RAB3C: variants seen among roughly 807,000 people sequenced by gnomAD.
RAB3C encodes the protein RAB3C, member RAS oncogene family.
Under a neutral mutation model 26.4 loss-of-function variants are expected in RAB3C, and 17 were observed. The observed-to-expected ratio is 0.64, with a 90% confidence interval of 0.44 to 0.97. RAB3C has a LOEUF of 0.97. Ranked by LOEUF, RAB3C falls within the 50% of genes least tolerant of loss-of-function variation. The probability of loss-of-function intolerance (pLI) is 0.00; values close to 1 mark genes in which losing one functional copy is unlikely to be tolerated. For missense variants in RAB3C, 242 were observed against 281.9 expected (o/e 0.86, Z 1.01); for synonymous variants, 91 against 95.9 (o/e 0.95, Z 0.30).
At chr5:58,746,837 T>G (rs1741412153) in intron 3 of RAB3C, among the ~76,000 whole-genome samples, 1 of 152,254 alleles carries the variant, frequency 6.6e-6, no homozygotes, top group South Asian at 2.1e-4. Flanking sequence ...ATTTATTATT[T>G]TAATAACTAC....
intron 3 of RAB3C, among the ~76,000 whole-genome samples, chr5:58,792,751 ATCT>A (rs1313524130): frequency 1.3e-5 from 2 of 152,114 alleles, no homozygotes; most frequent in African/African-American, 4.8e-5. Context: ...CACAGTAAAA[ATCT>A]TCTTTTACTG....
At chr5:58,644,347 C>T (rs1388962838) in intron 2 of RAB3C, 2 of 152,286 alleles carry the variant, frequency 1.3e-5, no homozygotes, top group East Asian at 3.9e-4. Context: ...GTTGTTTCTT[C>T]TAGGGATAAT....
intron 1 of RAB3C, among the ~76,000 whole-genome samples, chr5:58,597,065 A>G (rs1311671502): frequency 2.2e-5 from 2 of 92,656 alleles, no homozygotes; most frequent in Non-Finnish European, 3.7e-5. Context: ...AATACATAAT[A>G]TATATTATAT....
At chr5:58,754,566 C>G (rs1561310657) in intron 3 of RAB3C, among the ~76,000 whole-genome samples, 1 of 152,148 alleles carries the variant, frequency 6.6e-6, no homozygotes, top group Non-Finnish European at 1.5e-5. Context: ...CATCCACTCC[C>G]CAACACACTG....
At chr5:58,698,087 C>G (rs775787130) in intron 2 of RAB3C, among the ~76,000 whole-genome samples, 1 of 152,064 alleles carries the variant, frequency 6.6e-6, no homozygotes, top group African/African-American at 2.4e-5. Context: ...TTTAGTGCTT[C>G]CTTCCTTCAG....
chr5:58,809,384 A>G (rs1169232153), intron 3 of RAB3C, among the ~76,000 whole-genome samples: 26 of 95,218 alleles, frequency 2.7e-4, no homozygotes, highest in South Asian at 3.6e-4. Flanking sequence ...TCTTTTTCTC[A>G]GAAAAAAAAA....
intron 3 of RAB3C, among the ~76,000 whole-genome samples, chr5:58,792,167 T>C (rs1742537919): frequency 6.6e-6 from 1 of 152,246 alleles, no homozygotes; most frequent in African/African-American, 2.4e-5. Context: ...TTTATCTTCA[T>C]TAAATTCACC....
chr5:58,801,960 A>G (rs1334197021), intron 3 of RAB3C, among the ~76,000 whole-genome samples: 1 of 152,252 alleles, frequency 6.6e-6, no homozygotes, highest in African/African-American at 2.4e-5. Flanking sequence ...TCCATTCTCC[A>G]TAAAACCAGC....
At chr5:58,644,831 CT>C (rs1468743525) in intron 2 of RAB3C, among the ~76,000 whole-genome samples, 1 of 152,164 alleles carries the variant, frequency 6.6e-6, no homozygotes, top group Non-Finnish European at 1.5e-5. Flanking sequence ...TGCACTCTAT[CT>C]TTTTCCCATC....
chr5:58,594,748 T>C (rs1205319873), intron 1 of RAB3C, among the ~76,000 whole-genome samples: 1 of 152,036 alleles, frequency 6.6e-6, no homozygotes, highest in Non-Finnish European at 1.5e-5. Flanking sequence ...TTTCAATGGC[T>C]CTTTTTTTAA....
chr5:58,677,298 CT>C (rs1748249592), intron 2 of RAB3C, among the ~76,000 whole-genome samples: 1 of 152,158 alleles, frequency 6.6e-6, no homozygotes. Context: ...GCACTGGCAA[CT>C]AGGATTTGAG....
At chr5:58,845,612 A>ATATATGTG in intron 4 of RAB3C, among the ~76,000 whole-genome samples, 2 of 81,736 alleles carry the variant, frequency 2.4e-5, no homozygotes, top group Non-Finnish European at 4.8e-5. Flanking sequence ...ATATATATAT[A>ATATATGTG]TGTGTGTGTG....
intron 2 of RAB3C, among the ~76,000 whole-genome samples, chr5:58,657,925 A>G (rs1417425920): frequency 6.6e-6 from 1 of 152,222 alleles, no homozygotes; most frequent in Non-Finnish European, 1.5e-5. Context: ...GAAAAGGCCC[A>G]TGAAAAATTT....
intron 3 of RAB3C, among the ~76,000 whole-genome samples, chr5:58,791,143 G>A (rs953057055): frequency 1.3e-5 from 2 of 151,088 alleles, no homozygotes; most frequent in Admixed American, 6.6e-5. Flanking sequence ...CACAAATCTC[G>A]ATTTCTGTCC....
intron 1 of RAB3C, among the ~76,000 whole-genome samples, chr5:58,596,672 T>C (rs1208352195): frequency 2.5e-5 from 2 of 80,208 alleles, no homozygotes; most frequent in Middle Eastern, 8.3e-3. Flanking sequence ...ATATTATATA[T>C]AAATATATAA....
intron 1 of RAB3C, among the ~76,000 whole-genome samples, chr5:58,617,222 T>A (rs1579819298): frequency 6.6e-6 from 1 of 152,150 alleles, no homozygotes; most frequent in East Asian, 1.9e-4. Flanking sequence ...TAAGAGAGAT[T>A]CGAATCATTC....
intron 3 of RAB3C, among the ~76,000 whole-genome samples, chr5:58,808,772 G>A (rs904269080): frequency 6.6e-6 from 1 of 152,058 alleles, no homozygotes; most frequent in Non-Finnish European, 1.5e-5. Context: ...GTTCACCATG[G>A]TCTGCTTTTA....
At chr5:58,842,278 T>C (rs187819223) in intron 4 of RAB3C, among the ~76,000 whole-genome samples, 121 of 152,334 alleles carry the variant, frequency 7.9e-4, no homozygotes, top group Middle Eastern at 3.4e-3. Flanking sequence ...AAGTGTGCTG[T>C]TCTCACCAGA....
chr5:58,658,439 T>G (rs1444008875), intron 2 of RAB3C, among the ~76,000 whole-genome samples: 1 of 152,232 alleles, frequency 6.6e-6, no homozygotes, highest in East Asian at 1.9e-4. Flanking sequence ...GGGAAAGGAT[T>G]GTGGTTTAGA....
Sources: allele counts gnomAD v4.1 joint callset (sites outside exome capture counted in the v4.1 genomes callset), GRCh38; gene constraint gnomAD v4.1.1; transcripts MANE v1.5; gene names NCBI Gene and HGNC (gene_info 2026-07-23, HGNC 2026-07-21).